Variants in PRKACA observed in about 807,000 individuals in gnomAD.
PRKACA encodes the protein cAMP-dependent protein kinase catalytic subunit alpha.
Under a neutral mutation model 45.8 loss-of-function variants are expected in PRKACA, and 9 were observed. The observed-to-expected ratio is 0.20, with a 90% CI of 0.12 to 0.34. The LOEUF (loss-of-function observed/expected upper bound fraction) is 0.34, where lower values mean the gene tolerates loss of function less well. Ranked by LOEUF, PRKACA falls within the 10% of genes least tolerant of loss-of-function variation. The pLI is 1.00. For synonymous variants in PRKACA, 160 were observed against 178.6 expected, an observed-to-expected ratio of 0.90 and a Z score of 0.83; for missense variants, 238 against 458.6, an observed-to-expected ratio of 0.52 and a Z score of 4.39.
Position 14,092,413 on chromosome 19 carries a change from T to G in PRKACA, c.*699A>C. On this transcript the variant is annotated 3_prime_UTR_variant, in exon 10 of 10. Coordinates refer to ENST00000308677, the MANE Select transcript of PRKACA (RefSeq NM_002730.4). Reference sequence around the variant, plus strand: ...TCCCCGGGGAGGGGCCCAGGGGAGATTAGCAGCGGGGAGGTTCAAACCCCA... The same window carrying G: ...TCCCCGGGGAGGGGCCCAGGGGAGAGTAGCAGCGGGGAGGTTCAAACCCCA... 5.4e-6 allele frequency: 2 copies of G among 372,016 alleles called. No individual in the cohort carries two copies. Among genetic ancestry groups the G allele is most frequent in the Non-Finnish European group, 9.5e-6 (2 of 209,576 alleles). The allele number at this position is 372,016 out of a possible 1,614,324, so 23.0% of individuals were successfully genotyped here.
At position 14,093,041 on chromosome 19, in the gene PRKACA, AACCCTCCC is replaced by A; in HGVS notation, c.*63_*70del. ...CTGGGGCCCTCTGGCTGTTCAATCC[AACCCTCCC>A]ACCCCCCCGACCAAAAAAAAGAAAA... On this transcript the variant is annotated 3_prime_UTR_variant, in exon 10 of 10. Coordinates refer to ENST00000308677, the MANE Select transcript of PRKACA (RefSeq NM_002730.4). 3 of 500,028 alleles carry A rather than the reference AACCCTCCC, an allele frequency of 6.0e-6. No homozygotes were observed. Among genetic ancestry groups the A allele is most frequent in the Non-Finnish European group, 1.1e-5 (3 of 278,312 alleles). 31.0% of individuals were successfully genotyped at this position (500,028 alleles called of 1,614,324 possible).
chr19:14,116,746 C>A (rs1967114382), intron 1 of PRKACA, among the ~76,000 whole-genome samples: 1 of 152,054 alleles, frequency 6.6e-6, no homozygotes, highest in African/African-American at 2.4e-5. Flanking sequence ...AGCACTGAAG[C>A]AATTCTCTAC....
intron 1 of PRKACA, chr19:14,114,255 C>G: frequency 6.6e-7 from 1 of 1,513,226 alleles, no homozygotes; most frequent in Non-Finnish European, 9.0e-7. Context: ...ACCCTGCCTG[C>G]AGGGGGAGCT....
chr19:14,107,282 G>A, intron 2 of PRKACA, 66 bp downstream of exon 2: 1 of 1,482,528 alleles, frequency 6.7e-7, no homozygotes, highest in Non-Finnish European at 9.4e-7. Context: ...TGTGTTGCTG[G>A]GACACAGCCA....
intron 8 of PRKACA, 130 bp from the exon 9 acceptor site, chr19:14,093,922 T>TA: frequency 1.1e-6 from 1 of 937,054 alleles, no homozygotes; most frequent in Non-Finnish European, 1.6e-6. Context: ...CAGCATCTTG[T>TA]AAAACAGCTC....
At chr19:14,102,752 C>T in intron 4 of PRKACA, 64 bp downstream of exon 4, 1 of 1,414,334 alleles carries the variant, frequency 7.1e-7, no homozygotes, top group Non-Finnish European at 1.0e-6. Flanking sequence ...CGACCCCAGC[C>T]CTGGGGGCCA....
Position 14,107,354 on chromosome 19 carries a change from G to A in PRKACA, c.102C>T (p.Pro34=), listed in dbSNP as rs56105247. ...CTGCACCCGGCAGCCTTACCTGAGCGGGACTTTCCCATTTTTTAAGAAAAT... is the reference window on the plus strand; with the variant it reads ...CTGCACCCGGCAGCCTTACCTGAGCAGGACTTTCCCATTTTTTAAGAAAAT... ...KEDFLKKWES[P]AQNTAHLDQF... The change falls in exon 2 of 10, where the codon CCC becomes CCT. Residue 34 remains proline (P), a synonymous_variant. Coordinates refer to ENST00000308677, the MANE Select transcript of PRKACA (RefSeq NM_002730.4). 3.4e-3 allele frequency: 5,478 copies of A among 1,613,934 alleles called. 18 individuals are homozygous for A. Among genetic ancestry groups the A allele is most frequent in the Non-Finnish European group, 4.2e-3 (4,983 of 1,179,854 alleles).
At position 14,097,283 on chromosome 19, in the gene PRKACA, G is replaced by A. The variant is rs1461157800; in HGVS notation, c.765+78C>T. The A allele has an allele frequency of 1.3e-6, 2 of 1,596,630 alleles. No homozygotes were observed. The highest frequency in any genetic ancestry group is 2.7e-5 in the African/African-American group (2 of 74,542). The stretch of plus-strand genomic sequence containing the variant: ...TCTAGATTATTCTGACAACAAGCAG[G>A]GCTCCCCAGGGAATAGGATGGGTGA... On this transcript the variant is annotated intron_variant, in intron 8 of 9. Coordinates refer to ENST00000308677, the MANE Select transcript of PRKACA (RefSeq NM_002730.4). The surrounding 1 kb of genome is among the most constrained non-coding windows in gnomAD (Gnocchi z 5.4).
Position 14,102,834 on chromosome 19 carries a change from T to C in PRKACA, c.318A>G (p.Lys106=), listed in dbSNP as rs376182047. 3.2e-5 allele frequency: 52 copies of C among 1,613,822 alleles called. No homozygotes were observed. The South Asian group carries it at 4.9e-4, about 15-fold the overall frequency. Residue 106 remains lysine (K), a synonymous_variant, in exon 4 of 10, where the codon AAA becomes AAG. Coordinates refer to ENST00000308677, the MANE Select transcript of PRKACA (RefSeq NM_002730.4). ...ACCCCACCTTGAAGGAGAACTCGAG[T>C]TTGACGAGGAACGGAAAGTTGACAG... ...LQAVNFPFLV[K]LEFSFKDNSN... is the part of the protein sequence containing the mutation.
chr19:14,117,174 A>T (rs1477333400), intron 1 of PRKACA, among the ~76,000 whole-genome samples: 1 of 149,356 alleles, frequency 6.7e-6, no homozygotes, highest in Non-Finnish European at 1.5e-5. Context: ...GGGGGATTAG[A>T]ATCTGGGAAG....
chr19:14,097,319 G>A lies in PRKACA; in HGVS notation c.765+42C>T. The A allele has an allele frequency of 6.2e-7, 1 of 1,613,270 alleles. No homozygotes were observed. The highest frequency in any genetic ancestry group is 8.5e-7 in the Non-Finnish European group (1 of 1,179,436). On this transcript the variant is annotated intron_variant, in intron 8 of 9. Coordinates refer to ENST00000308677, the MANE Select transcript of PRKACA (RefSeq NM_002730.4). This position sits in a 1 kb window ranked among gnomAD's most constrained non-coding sequence, Gnocchi z 5.4. ...GAATAGGATGGGTGAGCAGGGAACGGTCTGTTTCTTCCAGGGCTGTGTCCC... is the reference window on the plus strand; with the variant it reads ...GAATAGGATGGGTGAGCAGGGAACGATCTGTTTCTTCCAGGGCTGTGTCCC...
chr19:14,094,498 G>C (rs1456620637), intron 8 of PRKACA, among the ~76,000 whole-genome samples: 1 of 152,164 alleles, frequency 6.6e-6, no homozygotes, highest in Non-Finnish European at 1.5e-5. Flanking sequence ...CCAAGAATCT[G>C]CATTTCTAAC....
In PRKACA at chr19:14,115,320, G is replaced by A. The variant is rs146753748; in HGVS notation, c.46+2182C>T. Among the ~76,000 whole-genome samples, 624 of 152,290 alleles carry A rather than the reference G, an allele frequency of 4.1e-3. 2 individuals are homozygous for A. The highest frequency in any genetic ancestry group is 6.7e-3 in the Non-Finnish European group (456 of 68,020). The stretch of plus-strand genomic sequence containing the variant: ...CAAGTTTACATCTGAACACAAGTGA[G>A]TAAAACTTTTATTATTTTAAATTAA... On this transcript the variant is annotated intron_variant, in intron 1 of 9. Coordinates refer to ENST00000308677, the MANE Select transcript of PRKACA (RefSeq NM_002730.4).
chr19:14,100,945 G>A (rs1977425044), intron 4 of PRKACA, 37 bp from the exon 5 acceptor site: 1 of 1,592,196 alleles, frequency 6.3e-7, no homozygotes, highest in Non-Finnish European at 8.6e-7. Context: ...GCCCACCCCT[G>A]AGACTTGGAC....
chr19:14,110,696 A>C (rs138996665), intron 1 of PRKACA, among the ~76,000 whole-genome samples: 135 of 152,316 alleles, frequency 8.9e-4, no homozygotes, highest in African/African-American at 3.2e-3. Context: ...ACCACCACCT[A>C]GGGCTACAAG....
At chr19:14,108,073 C>G (rs1977666214) in intron 1 of PRKACA, 1 of 985,480 alleles carries the variant, frequency 1.0e-6, no homozygotes, top group South Asian at 4.7e-5. Flanking sequence ...GGCAACCTGC[C>G]TTGTATCCAT....
rs1419896666 is a variant in PRKACA at position 14,117,625 on chromosome 19, G to A, written c.-78C>T. 3.8e-5 allele frequency: 33 copies of A among 879,008 alleles called. No individual in the cohort carries two copies. The highest frequency in any genetic ancestry group is 4.5e-5 in the Non-Finnish European group (33 of 735,216). 54.5% of individuals were successfully genotyped at this position (879,008 alleles called of 1,614,324 possible). A position where few individuals can be genotyped will look rare whatever the true frequency, so the allele number is the denominator to read the frequency against. ...GCTGCGGCCGGCGGCCCCGGAGCGC[G>A]CTGGGCGGCGGCGGCGGCGGCCCTC... is the stretch of plus-strand genomic sequence containing the variant. On this transcript the variant is annotated 5_prime_UTR_variant, in exon 1 of 10. Transcript: ENST00000308677.
At chr19:14,103,660 C>T (rs529884490) in intron 3 of PRKACA, among the ~76,000 whole-genome samples, 4 of 152,342 alleles carry the variant, frequency 2.6e-5, no homozygotes, top group Admixed American at 2.6e-4. Context: ...TCTATACCTG[C>T]CCTACCCAGT....
In PRKACA at chr19:14,114,144, G is replaced by A. The variant is rs1351139038; in HGVS notation, c.46+3358C>T. 4.3e-6 allele frequency: 7 copies of A among 1,611,782 alleles called. No individual in the cohort carries two copies. The East Asian group carries it at 8.9e-5, about 21-fold the overall frequency. The stretch of plus-strand genomic sequence containing the variant: ...AGGACTCAGCCTCACCATCGCTGGA[G>A]TTGGAAGCCATCACTCAGTCCTGTT... On this transcript the variant is annotated intron_variant, in intron 1 of 9. Transcript: ENST00000308677.
Sources: allele counts gnomAD v4.1 joint callset (sites outside exome capture counted in the v4.1 genomes callset), GRCh38; gene constraint gnomAD v4.1.1; non-coding constraint Gnocchi (gnomAD v3.1); transcripts MANE v1.5; gene names NCBI Gene and HGNC (gene_info 2026-07-23, HGNC 2026-07-21).